The following HEXB variants were observed in gnomAD, a reference collection of about 807,000 sequenced individuals.
The protein encoded by HEXB is beta-hexosaminidase subunit beta.
A neutral mutation model predicts 71.2 loss-of-function variants in HEXB; 51 were observed. The ratio of observed to expected loss-of-function variants is 0.72; its 90% CI spans 0.57 to 0.90. The LOEUF is 0.90. HEXB is among the 40% of genes least tolerant of loss of function. The pLI, the probability that HEXB is intolerant of heterozygous loss-of-function variation, is 0.00. For missense variants in HEXB, 617 were observed against 677.0 expected, an observed-to-expected ratio of 0.91 and a Z score of 0.98; for synonymous variants, 266 against 249.3, an observed-to-expected ratio of 1.07 and a Z score of -0.63.
In HEXB at chr5:74,716,664, A is replaced by C. The variant is rs1264940749; in HGVS notation, c.1160A>C (p.Tyr387Ser). Residue 387 changes from tyrosine (Y) to serine (S), a missense_variant, in exon 9 of 14, where the codon TAC becomes TCC. Coordinates refer to ENST00000261416, the MANE Select transcript of HEXB (RefSeq NM_000521.4). ...GATTTTAAGAAACTAGAATCTTTCT[A>C]CATTCAAAAGTAAGTTGTTTGAAAG... ...GTDFKKLESFYIQKVLDIIAT... is the reference protein window; with the variant it reads ...GTDFKKLESFSIQKVLDIIAT... 1 of 1,593,480 alleles carries C rather than the reference A, an allele frequency of 6.3e-7. No homozygotes were observed. Among genetic ancestry groups the C allele is most frequent in the Non-Finnish European group, 8.6e-7 (1 of 1,163,744 alleles).
At chr5:74,694,277 A>G (rs1749063186) in intron 3 of HEXB, among the ~76,000 whole-genome samples, 1 of 152,198 alleles carries the variant, frequency 6.6e-6, no homozygotes, top group Admixed American at 6.5e-5. Flanking sequence ...TTGGGACTGT[A>G]ATGTTTATAG....
chr5:74,663,559 A>G (rs986674237), intron 1 of HEXB, among the ~76,000 whole-genome samples: 3 of 152,164 alleles, frequency 2.0e-5, no homozygotes, highest in African/African-American at 4.8e-5. Flanking sequence ...ATGCTTGCAC[A>G]ATGGAGATTC....
chr5:74,650,899 C>T lies in HEXB; in HGVS notation c.-377+10341C>T, dbSNP rs574416299. Among the ~76,000 whole-genome samples, 6 of 139,490 alleles carry T rather than the reference C, an allele frequency of 4.3e-5. No homozygotes were observed. In the East Asian group the frequency reaches 1.2e-3, roughly 29 times the overall value. The allele number at this position is 139,490 out of a possible 152,430, so 91.5% of individuals were successfully genotyped here. A position where few individuals can be genotyped will look rare whatever the true frequency, so the allele number is the denominator to read the frequency against. On this transcript the variant is annotated intron_variant, in intron 1 of 13. Transcript: ENST00000511181. ...TGGGATCACGCCACTGCACTCCAGC[C>T]TGGGCAACAGCGTGAGACTCTGTCT...
chr5:74,716,016 C>CA (rs71600435), intron 8 of HEXB, among the ~76,000 whole-genome samples: 9,315 of 64,616 alleles, frequency 0.14, 893 homozygotes, highest in Middle Eastern at 0.22. Flanking sequence ...GACTCCATCT[C>CA]AAAAAAAAAA....
At chr5:74,705,467 G>A (rs1580389061) in intron 6 of HEXB, 147 bp downstream of exon 6, 1 of 649,822 alleles carries the variant, frequency 1.5e-6, no homozygotes, top group African/African-American at 1.8e-5. Context: ...CTGTGACTTA[G>A]CATTTTACAT....
chr5:74,664,897 G>GCT (rs1748405508), intron 1 of HEXB, among the ~76,000 whole-genome samples: 2 of 152,182 alleles, frequency 1.3e-5, no homozygotes, highest in Non-Finnish European at 2.9e-5. Context: ...AAAACAGGAT[G>GCT]CTCACACTCT....
intron 5 of HEXB, among the ~76,000 whole-genome samples, chr5:74,701,356 GA>G (rs1749256620): frequency 6.6e-6 from 1 of 151,778 alleles, no homozygotes; most frequent in Non-Finnish European, 1.5e-5. Flanking sequence ...GATTCTATTA[GA>G]ATTTACTTTA....
intron 10 of HEXB, 105 bp downstream of exon 10, chr5:74,718,468 G>A (rs991715062): frequency 2.2e-6 from 2 of 904,046 alleles, no homozygotes; most frequent in Non-Finnish European, 3.7e-6. Flanking sequence ...CCTTTCTAGT[G>A]TAGTTAGTGA....
chr5:74,706,048 T>A (rs1040285086), intron 6 of HEXB: 1 of 153,046 alleles, frequency 6.5e-6, no homozygotes, highest in African/African-American at 2.4e-5. Flanking sequence ...TATGGCAAAT[T>A]TCAAACATAT....
At chr5:74,699,243 A>T (rs1561219298) in intron 5 of HEXB, among the ~76,000 whole-genome samples, 1 of 151,928 alleles carries the variant, frequency 6.6e-6, no homozygotes, top group Non-Finnish European at 1.5e-5. Flanking sequence ...AAAAAACTTA[A>T]ATGAGACTGT....
intron 6 of HEXB, among the ~76,000 whole-genome samples, chr5:74,706,630 C>T (rs982891164): frequency 1.2e-4 from 19 of 152,308 alleles, no homozygotes; most frequent in Admixed American, 1.2e-3. Context: ...GGAAACGGCA[C>T]ACCAGGATAT....
chr5:74,645,549 A>C (rs1424555917), intron 1 of HEXB, among the ~76,000 whole-genome samples: 1 of 152,178 alleles, frequency 6.6e-6, no homozygotes, highest in Non-Finnish European at 1.5e-5. Flanking sequence ...TATAGATGGG[A>C]AATTCATTCT....
chr5:74,695,420 G>T (rs1749091287), intron 3 of HEXB, among the ~76,000 whole-genome samples: 1 of 150,884 alleles, frequency 6.6e-6, no homozygotes, highest in African/African-American at 2.4e-5. Flanking sequence ...AGCCAGGATG[G>T]TCTCGATCTC....
intron 1 of HEXB, among the ~76,000 whole-genome samples, chr5:74,653,781 G>C (rs576208916): frequency 3.3e-5 from 5 of 152,096 alleles, no homozygotes; most frequent in Non-Finnish European, 7.3e-5. Context: ...GTTATGAAAG[G>C]CACAATGGAA....
intron 1 of HEXB, among the ~76,000 whole-genome samples, chr5:74,666,037 C>T (rs989478829): frequency 3.3e-5 from 5 of 152,140 alleles, no homozygotes; most frequent in African/African-American, 4.8e-5. Flanking sequence ...TGTACAGATG[C>T]CAGATACTTA....
intron 1 of HEXB, among the ~76,000 whole-genome samples, chr5:74,674,874 T>A (rs1490589532): frequency 1.3e-5 from 2 of 152,312 alleles, no homozygotes; most frequent in East Asian, 3.9e-4. Flanking sequence ...ATTATCTACC[T>A]GTAAGTCTGA....
chr5:74,661,816 C>T (rs564775327), intron 1 of HEXB, among the ~76,000 whole-genome samples: 4 of 152,166 alleles, frequency 2.6e-5, no homozygotes, highest in Non-Finnish European at 5.9e-5. Flanking sequence ...ATTTTCCATA[C>T]TGCAGGTTTT....
At chr5:74,700,325 G>C (rs1749233248) in intron 5 of HEXB, among the ~76,000 whole-genome samples, 1 of 151,576 alleles carries the variant, frequency 6.6e-6, no homozygotes, top group Non-Finnish European at 1.5e-5. Context: ...TATTTTCTAT[G>C]TTTATTTTGT....
intron 1 of HEXB, among the ~76,000 whole-genome samples, chr5:74,662,452 T>G (rs1048446931): frequency 1.3e-5 from 2 of 152,178 alleles, no homozygotes; most frequent in African/African-American, 4.8e-5. Context: ...ATTCTCCCTA[T>G]TGTTGAGGTT....
Sources: gnomAD v4.1 joint callset for allele counts (sites outside exome capture counted in the v4.1 genomes callset) on GRCh38, gnomAD v4.1.1 for gene constraint, MANE v1.5 for transcripts, NCBI Gene and HGNC (gene_info 2026-07-23, HGNC 2026-07-21) for gene names.